ADARB2: variants seen among roughly 807,000 people sequenced by gnomAD.
ADARB2 encodes inactive double-stranded RNA-specific editase B2.
A neutral mutation model predicts 62.2 loss-of-function variants in ADARB2; 25 were observed. That is an observed-to-expected ratio of 0.40 (90% confidence interval 0.29 to 0.56). The LOEUF (loss-of-function observed/expected upper bound fraction) is 0.56. ADARB2 is among the 20% of genes least tolerant of loss of function. The pLI, the probability that ADARB2 is intolerant of heterozygous loss-of-function variation, is 0.43. For missense variants in ADARB2, 1,071 were observed against 1,077.4 expected (o/e 0.99, Z 0.08); for synonymous variants, 572 against 500.8 (o/e 1.14, Z -1.90).
chr10:1,343,775 G>A (rs1437459780), intron 3 of ADARB2, among the ~76,000 whole-genome samples: 1 of 152,188 alleles, frequency 6.6e-6, no homozygotes, highest in Non-Finnish European at 1.5e-5. Context: ...TGCAGGAAAA[G>A]AAAGCCAAAT....
intron 1 of ADARB2, among the ~76,000 whole-genome samples, chr10:1,441,163 C>T (rs1830900427): frequency 6.6e-6 from 1 of 152,146 alleles, no homozygotes; most frequent in Admixed American, 6.5e-5. Flanking sequence ...ATAACATCTG[C>T]CTCCTGAATT....
rs550289176 is a variant in ADARB2, at chr10:1,707,606, A to C, written c.100+29445T>G. ...AGGTGGAGAGTGGTTCCTGTGCAGA[A>C]CTGTGCCTCACCTGAGGACGGGCAG... On this transcript the variant is annotated intron_variant, in intron 1 of 9. Coordinates refer to ENST00000381312, the MANE Select transcript of ADARB2 (RefSeq NM_018702.4). 7.7e-4 allele frequency among the ~76,000 whole-genome samples: 118 copies of C among 152,332 alleles called. 1 individual carries two copies. The highest frequency in any genetic ancestry group is 1.4e-3 in the Non-Finnish European group (93 of 68,028).
chr10:1,456,664 G>T lies in ADARB2; in HGVS notation c.101-77504C>A, dbSNP rs138604748. The stretch of plus-strand genomic sequence containing the variant: ...AAGGTGTGCTCGAGACGCGCGGGGC[G>T]TGGTAAAAAGGGTCACTAGTGGCCC... On this transcript the variant is annotated intron_variant, in intron 1 of 9. Coordinates refer to ENST00000381312, the MANE Select transcript of ADARB2 (RefSeq NM_018702.4). 5.4e-3 allele frequency among the ~76,000 whole-genome samples: 815 copies of T among 152,296 alleles called. 8 individuals carry two copies. Among genetic ancestry groups the T allele is most frequent in the Non-Finnish European group, 9.4e-3 (638 of 68,028 alleles).
intron 3 of ADARB2, among the ~76,000 whole-genome samples, chr10:1,315,631 C>T (rs1156490251): frequency 1.3e-5 from 2 of 152,226 alleles, no homozygotes; most frequent in African/African-American, 4.8e-5. Context: ...ACAATGGGCC[C>T]TACCCTGGCC....
intron 1 of ADARB2, among the ~76,000 whole-genome samples, chr10:1,431,782 GA>G (rs1324341969): frequency 3.3e-5 from 5 of 152,156 alleles, no homozygotes; most frequent in African/African-American, 1.2e-4. Flanking sequence ...TATTACTACA[GA>G]ACGTGTAGTT....
intron 4 of ADARB2, among the ~76,000 whole-genome samples, chr10:1,250,507 A>T (rs980720061): frequency 6.6e-6 from 1 of 152,152 alleles, no homozygotes; most frequent in Non-Finnish European, 1.5e-5. Flanking sequence ...ATTAGTTCCC[A>T]TGAGCGTGGG....
chr10:1,271,115 C>T (rs774124054), intron 3 of ADARB2, 46 bp from the exon 4 acceptor site: 14 of 1,524,082 alleles, frequency 9.2e-6, no homozygotes, highest in South Asian at 6.9e-5. Flanking sequence ...GAGCAGGTGC[C>T]GTGGAGGATG....
chr10:1,273,611 A>C (rs1275602977), intron 3 of ADARB2, among the ~76,000 whole-genome samples: 3 of 152,164 alleles, frequency 2.0e-5, no homozygotes, highest in Admixed American at 6.5e-5. Context: ...GCCCCCCACG[A>C]CCTTGCACGC....
chr10:1,663,258 C>T (rs377438291), intron 1 of ADARB2, among the ~76,000 whole-genome samples: 5 of 152,302 alleles, frequency 3.3e-5, no homozygotes, highest in South Asian at 2.1e-4. Flanking sequence ...CATCCATGTG[C>T]GCATTGATTA....
chr10:1,369,993 C>T (rs909855826), intron 2 of ADARB2, among the ~76,000 whole-genome samples: 7 of 152,288 alleles, frequency 4.6e-5, no homozygotes, highest in Admixed American at 2.0e-4. Context: ...ACCACATGGG[C>T]CTTGTTAGAT....
chr10:1,232,996 T>C (rs551327460), intron 6 of ADARB2, among the ~76,000 whole-genome samples: 1 of 152,142 alleles, frequency 6.6e-6, no homozygotes, highest in South Asian at 2.1e-4. Flanking sequence ...GCAATAGGAT[T>C]TCATCATTAA....
intron 3 of ADARB2, among the ~76,000 whole-genome samples, chr10:1,302,247 T>G (rs1184312338): frequency 2.6e-5 from 4 of 152,156 alleles, no homozygotes; most frequent in African/African-American, 9.7e-5. Context: ...TTCCCTTTCC[T>G]AATCAAAGAA....
chr10:1,571,897 C>T (rs1244206116), intron 1 of ADARB2, among the ~76,000 whole-genome samples: 3 of 130,736 alleles, frequency 2.3e-5, no homozygotes, highest in African/African-American at 9.3e-5. Context: ...GGTGAGTGTG[C>T]TGGTGAGTGG....
chr10:1,552,727 G>A (rs1832645076), intron 1 of ADARB2, among the ~76,000 whole-genome samples: 7 of 152,118 alleles, frequency 4.6e-5, no homozygotes, highest in Admixed American at 4.6e-4. Context: ...AAGGGGAGAG[G>A]AGGGAGGGAA....
chr10:1,449,013 G>A (rs903802751), intron 1 of ADARB2, among the ~76,000 whole-genome samples: 4 of 152,072 alleles, frequency 2.6e-5, no homozygotes, highest in Admixed American at 6.6e-5. Context: ...AAGCGAGTTC[G>A]GGGAGAAAAG....
At chr10:1,711,709 G>A (rs747316925) in intron 1 of ADARB2, among the ~76,000 whole-genome samples, 14 of 152,132 alleles carry the variant, frequency 9.2e-5, no homozygotes, top group Non-Finnish European at 1.6e-4. Context: ...CAAAGCTCTC[G>A]AGGCTAAAGA....
At chr10:1,438,379 G>T (rs1036307545) in intron 1 of ADARB2, among the ~76,000 whole-genome samples, 27 of 145,956 alleles carry the variant, frequency 1.8e-4, no homozygotes, top group Non-Finnish European at 1.8e-4. Context: ...ATGGAAGGAG[G>T]TCCTTCATCA....
chr10:1,526,239 G>T (rs892081730), intron 1 of ADARB2, among the ~76,000 whole-genome samples: 1 of 151,996 alleles, frequency 6.6e-6, no homozygotes, highest in Non-Finnish European at 1.5e-5. Flanking sequence ...GGGCAGGTGG[G>T]GCAGATGGGG....
At chr10:1,234,449 T>G (rs1229827405) in intron 5 of ADARB2, among the ~76,000 whole-genome samples, 1 of 152,134 alleles carries the variant, frequency 6.6e-6, no homozygotes, top group East Asian at 1.9e-4. Context: ...ATTATTATTC[T>G]TTTCTAAAGA....
Sources: gnomAD v4.1 joint callset for allele counts (sites outside exome capture counted in the v4.1 genomes callset) on GRCh38, gnomAD v4.1.1 for gene constraint, MANE v1.5 for transcripts, NCBI Gene and HGNC (gene_info 2026-07-23, HGNC 2026-07-21) for gene names.